Variants in DENND1B observed in about 807,000 individuals in gnomAD.
DENND1B encodes DENN domain-containing protein 1B.
DENND1B carries 59 observed loss-of-function variants against 90.1 expected under a neutral mutation model. That is an observed-to-expected ratio of 0.65 (90% confidence interval 0.53 to 0.81). DENND1B has a LOEUF of 0.81. Among genes scored for constraint, DENND1B ranks in the 40% least tolerant of loss-of-function variants. The probability of loss-of-function intolerance (pLI) is 0.00; values close to 1 mark genes in which losing one functional copy is unlikely to be tolerated. For synonymous variants in DENND1B, 337 were observed against 324.6 expected, an observed-to-expected ratio of 1.04 and a Z score of -0.41; for missense variants, 862 against 912.6, an observed-to-expected ratio of 0.94 and a Z score of 0.71.
intron 2 of DENND1B, chr1:197,746,840 T>C (rs1294779793): frequency 1.3e-5 from 21 of 1,611,816 alleles, no homozygotes; most frequent in Admixed American, 1.7e-5. Context: ...AGCCTGTGAA[T>C]TTTCAACCTC....
chr1:197,573,419 G>C (rs547436215), intron 15 of DENND1B, among the ~76,000 whole-genome samples: 1 of 152,196 alleles, frequency 6.6e-6, no homozygotes, highest in African/African-American at 2.4e-5. Context: ...TTGAATCTCT[G>C]AATAGACCAA....
chr1:197,645,738 G>T lies in DENND1B; in HGVS notation c.513C>A (p.Ser171=), dbSNP rs755136759. The T allele has an allele frequency of 5.1e-6, 8 of 1,566,452 alleles. No homozygotes were observed. The Admixed American group carries it at 1.3e-4, about 25-fold the overall frequency. ...LKDQPALVPH[S]YFIAPDVTGL... ...CAGTTACATCAGGGGCAATGAAGTA[G>T]GAATGCTAATCAATACAAATAAATC... Residue 171 remains serine (S), a synonymous_variant, in exon 9 of 23, where the codon TCC becomes TCA. Coordinates refer to ENST00000620048, the MANE Select transcript of DENND1B (RefSeq NM_001195215.2).
At position 197,581,857 on chromosome 1, in the gene DENND1B, T is replaced by C. The variant is rs1045152026; in HGVS notation, c.1149+1295A>G. 2.0e-5 allele frequency among the ~76,000 whole-genome samples: 3 copies of C among 152,324 alleles called. No homozygotes were observed. The South Asian group carries it at 6.2e-4, about 32-fold the overall frequency. ...TGATAATGGAAGATAGTGCCTCTTC[T>C]TGATAGAGAAAAATACAAAAAGGTA... On this transcript the variant is annotated intron_variant, in intron 15 of 22. Coordinates refer to ENST00000620048, the MANE Select transcript of DENND1B (RefSeq NM_001195215.2).
intron 5 of DENND1B, among the ~76,000 whole-genome samples, chr1:197,670,738 T>C (rs1655421551): frequency 6.6e-6 from 1 of 152,028 alleles, no homozygotes; most frequent in Admixed American, 6.6e-5. Flanking sequence ...CTTTAAACTG[T>C]AGCTTTTAAA....
Position 197,508,428 on chromosome 1 carries a change from A to G in DENND1B, c.*2032T>C, listed in dbSNP as rs1389797853. ...TTGACAAGAACCTTGAGACTTCTGT[A>G]TTAAAAAATAAGGATTAAACATTGT... is the stretch of plus-strand genomic sequence containing the variant. On this transcript the variant is annotated 3_prime_UTR_variant, in exon 23 of 23. Transcript: ENST00000620048. The G allele has an allele frequency of 6.6e-6, 1 of 151,772 alleles. No individual in the cohort carries two copies. The highest frequency in any genetic ancestry group is 1.5e-5 in the Non-Finnish European group (1 of 67,796). The allele number at this position is 151,772 out of a possible 1,614,324, so 9.4% of individuals were successfully genotyped here.
rs10639382 is a variant in DENND1B at position 197,718,391 on chromosome 1, T to TAAA, written c.83-3320_83-3318dup. Among the ~76,000 whole-genome samples, 45 of 143,272 alleles carry TAAA rather than the reference T, an allele frequency of 3.1e-4. 1 individual carries two copies. The highest frequency in any genetic ancestry group is 7.4e-4 in the African/African-American group (29 of 39,230). The allele number at this position is 143,272 out of a possible 152,430, so 94.0% of individuals were successfully genotyped here. A position where few individuals can be genotyped will look rare whatever the true frequency, so the allele number is the denominator to read the frequency against. On this transcript the variant is annotated intron_variant, in intron 2 of 22. Coordinates refer to ENST00000620048, the MANE Select transcript of DENND1B (RefSeq NM_001195215.2). ...TTGAAAATTCACTGGCTTAAAAATG[T>TAAA]AAAAAAAAAAAAAAAGTTCCTAATG...
intron 14 of DENND1B, among the ~76,000 whole-genome samples, chr1:197,592,249 A>C (rs916422160): frequency 2.6e-5 from 4 of 152,104 alleles, no homozygotes; most frequent in Non-Finnish European, 5.9e-5. Flanking sequence ...AGAAACAGTG[A>C]GGTTACTTAA....
At chr1:197,662,170 A>C (rs552002996) in intron 5 of DENND1B, among the ~76,000 whole-genome samples, 76 of 152,192 alleles carry the variant, frequency 5.0e-4, no homozygotes, top group African/African-American at 1.8e-3. Context: ...GATATTTCTC[A>C]TAGTCATCTC....
At chr1:197,735,975 G>A (rs1368190379) in intron 2 of DENND1B, 6 of 1,280,684 alleles carry the variant, frequency 4.7e-6, no homozygotes, top group East Asian at 2.3e-5. Flanking sequence ...GGCTGCTAAG[G>A]AAGCAAAAAA....
intron 3 of DENND1B, among the ~76,000 whole-genome samples, chr1:197,702,961 A>T (rs561086238): frequency 2.4e-4 from 36 of 152,216 alleles, no homozygotes; most frequent in African/African-American, 7.5e-4. Context: ...CTAAATCAGC[A>T]GTTCACTTCA....
chr1:197,757,811 A>T (rs921847433), intron 2 of DENND1B, among the ~76,000 whole-genome samples: 3 of 152,174 alleles, frequency 2.0e-5, no homozygotes, highest in African/African-American at 7.2e-5. Flanking sequence ...AGAAGTTGCA[A>T]TACTTAGTAT....
chr1:197,596,647 TAC>T (rs1215461778), intron 13 of DENND1B, among the ~76,000 whole-genome samples: 1 of 151,620 alleles, frequency 6.6e-6, no homozygotes, highest in Non-Finnish European at 1.5e-5. Flanking sequence ...TGCACACATA[TAC>T]ACACACACAA....
intron 7 of DENND1B, among the ~76,000 whole-genome samples, chr1:197,649,782 G>GA (rs1421337063): frequency 1.3e-5 from 2 of 152,038 alleles, no homozygotes; most frequent in Non-Finnish European, 2.9e-5. Flanking sequence ...TAAAACACTG[G>GA]AAAAACCCTT....
intron 3 of DENND1B, among the ~76,000 whole-genome samples, chr1:197,682,694 C>G (rs1021530636): frequency 6.6e-6 from 1 of 151,966 alleles, no homozygotes; most frequent in African/African-American, 2.4e-5. Flanking sequence ...AAGAAGTTGG[C>G]CAGGCTACAG....
rs555153993 is a variant in DENND1B at position 197,509,764 on chromosome 1, C to T, written c.*696G>A. ...TTGTAAACAGAAGTCATTAACTTCA[C>T]ATTGTAATTCAGCACTTCCTATATT... is the stretch of plus-strand genomic sequence containing the variant. On this transcript the variant is annotated 3_prime_UTR_variant, in exon 23 of 23. Transcript: ENST00000620048. The T allele has an allele frequency of 2.2e-4, 34 of 151,894 alleles. No individual in the cohort carries two copies. The highest frequency in any genetic ancestry group is 4.1e-4 in the Non-Finnish European group (28 of 67,786). The allele number at this position is 151,894 out of a possible 1,614,324, so 9.4% of individuals were successfully genotyped here. A position where few individuals can be genotyped will look rare whatever the true frequency, so the allele number is the denominator to read the frequency against.
chr1:197,517,762 C>T (rs1466089554), intron 20 of DENND1B, among the ~76,000 whole-genome samples: 2 of 151,854 alleles, frequency 1.3e-5, no homozygotes, highest in Non-Finnish European at 2.9e-5. Context: ...CTATGGCAGC[C>T]TCTCTGGAGG....
chr1:197,731,948 T>C (rs146664528), intron 2 of DENND1B, among the ~76,000 whole-genome samples: 51 of 152,302 alleles, frequency 3.3e-4, no homozygotes, highest in African/African-American at 1.2e-3. Context: ...ATATTCACTA[T>C]ATCATTATAT....
At chr1:197,646,910 T>C in intron 8 of DENND1B, 145 bp downstream of exon 8, 1 of 563,894 alleles carries the variant, frequency 1.8e-6, no homozygotes, top group Non-Finnish European at 3.0e-6. Context: ...CAGAAAATAT[T>C]ATATATTCCA....
intron 8 of DENND1B, 25 bp downstream of exon 8, chr1:197,647,030 A>T: frequency 6.9e-7 from 1 of 1,456,988 alleles, no homozygotes; most frequent in Non-Finnish European, 9.0e-7. Context: ...AGTGATTTTT[A>T]GAAGCCAATG....
Sources: gnomAD v4.1 joint callset for allele counts (sites outside exome capture counted in the v4.1 genomes callset) on GRCh38, gnomAD v4.1.1 for gene constraint, MANE v1.5 for transcripts, NCBI Gene and HGNC (gene_info 2026-07-23, HGNC 2026-07-21) for gene names.